Variants in OPA1 observed in about 807,000 individuals in gnomAD.
OPA1 encodes OPA1 mitochondrial dynamin like GTPase, also known as dynamin-like GTPase OPA1, mitochondrial.
In OPA1, 59 loss-of-function variants were observed where a neutral mutation model predicts 152.9. The ratio of observed to expected loss-of-function variants is 0.39; its 90% CI spans 0.31 to 0.48. OPA1 has a LOEUF of 0.48. Ranked by LOEUF, OPA1 falls within the 20% of genes least tolerant of loss-of-function variation. The probability of loss-of-function intolerance (pLI) is 0.96; values close to 1 mark genes in which losing one functional copy is unlikely to be tolerated. For missense variants in OPA1, 1,008 were observed against 1,216.8 expected, an observed-to-expected ratio of 0.83 and a Z score of 2.55; for synonymous variants, 400 against 389.9, an observed-to-expected ratio of 1.03 and a Z score of -0.31.
chr3:193,616,438 A>T (rs1390197644), intron 3 of OPA1, among the ~76,000 whole-genome samples: 1 of 152,122 alleles, frequency 6.6e-6, no homozygotes, highest in Non-Finnish European at 1.5e-5. Flanking sequence ...TACCTAACAT[A>T]TTTTGTCAGC....
At chr3:193,630,093 G>A (rs1213963149) in intron 7 of OPA1, among the ~76,000 whole-genome samples, 1 of 152,188 alleles carries the variant, frequency 6.6e-6, no homozygotes, top group Non-Finnish European at 1.5e-5. Flanking sequence ...TGATCATAAT[G>A]TGGAATTATG....
intron 9 of OPA1, 28 bp from the exon 10 acceptor site, chr3:193,637,167 A>G (rs747635231): frequency 7.8e-7 from 1 of 1,288,900 alleles, no homozygotes; most frequent in South Asian, 1.3e-5. Flanking sequence ...TTACTGTTTT[A>G]TATTATAACT....
chr3:193,606,101 G>A (rs1727224186), intron 1 of OPA1, among the ~76,000 whole-genome samples: 1 of 152,176 alleles, frequency 6.6e-6, no homozygotes, highest in Non-Finnish European at 1.5e-5. Flanking sequence ...TGGTGAAACA[G>A]TTTGGCCTAG....
chr3:193,644,198 A>G (rs1352306860), intron 16 of OPA1, 93 bp downstream of exon 16: 2 of 1,394,724 alleles, frequency 1.4e-6, no homozygotes, highest in East Asian at 2.3e-5. Flanking sequence ...CAACAACAAC[A>G]AAAAAACACC....
At chr3:193,671,166 G>A (rs565594795) in intron 29 of OPA1, among the ~76,000 whole-genome samples, 5 of 152,256 alleles carry the variant, frequency 3.3e-5, no homozygotes, top group African/African-American at 7.2e-5. Flanking sequence ...TTAAAAGAGG[G>A]AAAAGAGTAA....
intron 6 of OPA1, among the ~76,000 whole-genome samples, chr3:193,623,483 A>G (rs1730525646): frequency 6.6e-6 from 1 of 152,024 alleles, no homozygotes; most frequent in African/African-American, 2.4e-5. Context: ...GTGAAATGAG[A>G]CTGAGATAAG....
intron 29 of OPA1, among the ~76,000 whole-genome samples, chr3:193,669,190 C>T (rs1717365113): frequency 1.3e-5 from 2 of 152,314 alleles, no homozygotes; most frequent in Middle Eastern, 3.4e-3. Context: ...TGTGTTACAC[C>T]CTGTGCCTGC....
chr3:193,643,706 G>T (rs1734123304), intron 15 of OPA1, 79 bp downstream of exon 15: 1 of 1,267,046 alleles, frequency 7.9e-7, no homozygotes. Context: ...AATAGTTTGT[G>T]TTATGTAAAC....
At chr3:193,602,078 A>G (rs1192578672) in intron 1 of OPA1, among the ~76,000 whole-genome samples, 2 of 152,210 alleles carry the variant, frequency 1.3e-5, no homozygotes, top group Non-Finnish European at 2.9e-5. Flanking sequence ...AAAAACACAT[A>G]AGGCTTTCAT....
intron 26 of OPA1, 69 bp from the exon 27 acceptor site, chr3:193,664,811 A>G (rs1716141793): frequency 9.3e-6 from 8 of 862,078 alleles, no homozygotes; most frequent in East Asian, 2.4e-5. Flanking sequence ...TTTTTGTACA[A>G]CTTCTCAGTG....
At chr3:193,667,328 C>T (rs111453997) in intron 29 of OPA1, 48 bp downstream of exon 29, 3 of 901,374 alleles carry the variant, frequency 3.3e-6, no homozygotes, top group African/African-American at 1.6e-5. Context: ...CCACCTTTCC[C>T]ATTTCCATTT....
intron 1 of OPA1, among the ~76,000 whole-genome samples, chr3:193,610,750 C>T (rs1490681561): frequency 3.3e-5 from 5 of 152,258 alleles, no homozygotes; most frequent in African/African-American, 1.2e-4. Flanking sequence ...CACCCCTCCC[C>T]CAGCCTCGCT....
chr3:193,676,844 G>A (rs1424774006), intron 29 of OPA1, among the ~76,000 whole-genome samples: 2 of 152,192 alleles, frequency 1.3e-5, no homozygotes, highest in East Asian at 1.9e-4. Flanking sequence ...AGCCAGGCGT[G>A]GTGGCGGGCG....
Position 193,666,339 on chromosome 3 carries a change from T to C in OPA1, c.2822T>C (p.Met941Thr), listed in dbSNP as rs1204428154. Residue 941 changes from methionine (M) to threonine (T), a missense_variant, in exon 28 of 31, where the codon ATG (methionine) becomes ACG (threonine). Around this residue, in one of 7 missense-constraint regions of OPA1, gnomAD observed 137 missense variants for 171.0 expected, o/e 0.80. Transcript: ENST00000361510. ...DVVLFWRIQR[M>T]LAITANTLRQ... Reference sequence around the variant, plus strand: ...GTCTTGTTTTGGCGTATACAGCGCATGCTTGCTATCACCGCAAATACTTTA... The same window carrying C: ...GTCTTGTTTTGGCGTATACAGCGCACGCTTGCTATCACCGCAAATACTTTA... 1.9e-6 allele frequency: 3 copies of C among 1,614,188 alleles called. No individual in the cohort carries two copies. The highest frequency in any genetic ancestry group is 2.5e-6 in the Non-Finnish European group (3 of 1,180,008).
chr3:193,637,358 A>G, intron 10 of OPA1, 77 bp downstream of exon 10: 1 of 833,168 alleles, frequency 1.2e-6, no homozygotes, highest in Non-Finnish European at 2.1e-6. Flanking sequence ...TTATGTGTAT[A>G]TATGTACACA....
intron 7 of OPA1, among the ~76,000 whole-genome samples, chr3:193,630,726 A>C (rs112558041): frequency 0.03 from 4,587 of 152,266 alleles, 66 homozygotes; most frequent in African/African-American, 0.035. Flanking sequence ...TGGGATGACA[A>C]CTTCTGCCTC....
chr3:193,643,084 G>A (rs762321059), intron 13 of OPA1, 35 bp downstream of exon 13: 3 of 1,504,294 alleles, frequency 2.0e-6, no homozygotes, highest in African/African-American at 1.4e-5. Flanking sequence ...GACGTTTTAT[G>A]GAAATTAAAT....
At chr3:193,693,533 G>A (rs111999715) in intron 30 of OPA1, among the ~76,000 whole-genome samples, 3 of 151,930 alleles carry the variant, frequency 2.0e-5, no homozygotes, top group East Asian at 1.9e-4. Context: ...CCAGCTACTC[G>A]GGAGCCTGAG....
chr3:193,678,947 GT>G (rs566292272), intron 29 of OPA1, among the ~76,000 whole-genome samples: 5 of 150,772 alleles, frequency 3.3e-5, no homozygotes, highest in South Asian at 2.1e-4. Context: ...TACTGAAGTT[GT>G]TTTTTTTTCC....
Sources: gnomAD v4.1 joint callset for allele counts (sites outside exome capture counted in the v4.1 genomes callset) on GRCh38, gnomAD v4.1.1 for gene constraint, gnomAD v4.1.1 regional missense constraint, MANE v1.5 for transcripts, NCBI Gene and HGNC (gene_info 2026-07-23, HGNC 2026-07-21) for gene names.